Variants in PCYT1B observed in about 807,000 individuals in gnomAD.
The protein encoded by PCYT1B is choline-phosphate cytidylyltransferase B.
In PCYT1B, 10 loss-of-function variants were observed where a neutral mutation model predicts 26.4. That is an observed-to-expected ratio of 0.38 (90% CI 0.23 to 0.64). PCYT1B has a LOEUF of 0.64. Ranked by LOEUF, PCYT1B falls within the 30% of genes least tolerant of loss-of-function variation. The probability of loss-of-function intolerance (pLI) is 0.56; values close to 1 mark genes in which losing one functional copy is unlikely to be tolerated. For missense variants in PCYT1B, 161 were observed against 292.7 expected, an observed-to-expected ratio of 0.55 and a Z score of 3.28; for synonymous variants, 131 against 108.4, an observed-to-expected ratio of 1.21 and a Z score of -1.29.
At chrX:24,663,938 A>G (rs1927077116) in intron 1 of PCYT1B, among the ~76,000 whole-genome samples, 1 of 110,607 alleles carries the variant, frequency 9.0e-6, no homozygotes, top group Non-Finnish European at 1.9e-5. Flanking sequence ...ACAAAACAAA[A>G]CAAAACAAAA....
At chrX:24,570,591 G>A (rs1389145544) in intron 7 of PCYT1B, among the ~76,000 whole-genome samples, 2 of 110,988 alleles carry the variant, frequency 1.8e-5, no homozygotes, top group African/African-American at 6.6e-5. Flanking sequence ...ATGAAAGACC[G>A]AGTCAGAACC....
chrX:24,562,014 A>C lies in PCYT1B; in HGVS notation c.*279T>G. 1 of 1,062,679 alleles carries C rather than the reference A, an allele frequency of 9.4e-7. No homozygotes were observed. The highest frequency in any genetic ancestry group is 1.3e-6 in the Non-Finnish European group (1 of 763,325). The allele number at this position is 1,062,679 out of a possible 1,213,427, so 87.6% of individuals were successfully genotyped here. On this transcript the variant is annotated 3_prime_UTR_variant, in exon 8 of 8. Transcript: ENST00000379144. The stretch of plus-strand genomic sequence containing the variant: ...TCACCCCATCAGTGCAAGTCTCTCT[A>C]GGGAACTCTGCATCCTTCCTTAGCA...
At chrX:24,651,475 ATATAT>A (rs1569257974), upstream of PCYT1B, among the ~76,000 whole-genome samples, 194 of 30,611 alleles carry the variant, frequency 6.3e-3, 2 homozygotes, top group African/African-American at 0.022. Flanking sequence ...AAAAAAAAAT[ATATAT>A]ATATATATAT....
intron 7 of PCYT1B, among the ~76,000 whole-genome samples, chrX:24,572,859 T>G (rs1167226606): frequency 9.3e-6 from 1 of 107,734 alleles, no homozygotes; most frequent in Non-Finnish European, 1.9e-5. Context: ...CAATTCCAGC[T>G]ACTATTTCAC....
intron 2 of PCYT1B, among the ~76,000 whole-genome samples, chrX:24,616,819 C>G (rs934874722): frequency 1.5e-4 from 17 of 111,962 alleles, no homozygotes; most frequent in Non-Finnish European, 3.0e-4. Context: ...TTTTCAAAAG[C>G]AGCTCACACG....
intron 3 of PCYT1B, among the ~76,000 whole-genome samples, chrX:24,590,595 C>G (rs1370857106): frequency 9.0e-6 from 1 of 110,725 alleles, no homozygotes; most frequent in Non-Finnish European, 1.9e-5. Flanking sequence ...TTTGAACAAT[C>G]AGTTCCAATT....
At chrX:24,666,303 A>C (rs745495412) in intron 1 of PCYT1B, among the ~76,000 whole-genome samples, 21 of 111,415 alleles carry the variant, frequency 1.9e-4, no homozygotes, top group Admixed American at 1.5e-3. Context: ...TCATGCATCC[A>C]AGATAAATGT....
upstream of PCYT1B, among the ~76,000 whole-genome samples, chrX:24,648,449 A>ATTTTTTTTTTTTT (rs57744798): frequency 8.6e-4 from 34 of 39,723 alleles, 8 homozygotes; most frequent in African/African-American, 4.7e-3. Context: ...ATTTGAAGGA[A>ATTTTTTTTTTTTT]TTTTTTTTTT....
chrX:24,615,180 C>G (rs983161396), intron 2 of PCYT1B, among the ~76,000 whole-genome samples: 2 of 111,917 alleles, frequency 1.8e-5, no homozygotes, highest in African/African-American at 6.5e-5. Context: ...AGGTACTCAT[C>G]AACATCACGG....
At chrX:24,587,464 C>T (rs1351216469) in intron 4 of PCYT1B, 145 bp from the exon 5 acceptor site, 6 of 439,932 alleles carry the variant, frequency 1.4e-5, no homozygotes, top group South Asian at 3.8e-5. Flanking sequence ...GAATCCTTGG[C>T]TGAAATGTAT....
At chrX:24,608,277 G>A (rs752957346) in intron 2 of PCYT1B, among the ~76,000 whole-genome samples, 1 of 111,286 alleles carries the variant, frequency 9.0e-6, no homozygotes, top group African/African-American at 3.3e-5. Context: ...GTTCTCAAAG[G>A]CAACGATGTA....
At chrX:24,648,241 G>A (rs1460359015), upstream of PCYT1B, among the ~76,000 whole-genome samples, 2 of 110,729 alleles carry the variant, frequency 1.8e-5, no homozygotes, top group African/African-American at 3.3e-5. Flanking sequence ...ACTTACCAAG[G>A]TATTCATTGT....
chrX:24,562,220 C>A lies in PCYT1B; in HGVS notation c.*73G>T, dbSNP rs1169985104. On this transcript the variant is annotated 3_prime_UTR_variant, in exon 8 of 8. Coordinates refer to ENST00000379144, the MANE Select transcript of PCYT1B (RefSeq NM_004845.5). ...TCCTGTGACTATTACCCTTCAAACA[C>A]CACCCAGGCAACCCTGTGACTCTCG... is the stretch of plus-strand genomic sequence containing the variant. 1 of 1,181,185 alleles carries A rather than the reference C, an allele frequency of 8.5e-7. No individual in the cohort carries two copies.
chrX:24,632,339 A>G (rs888397882), intron 1 of PCYT1B: 1 of 142,634 alleles, frequency 7.0e-6, no homozygotes, highest in Admixed American at 6.5e-5. Context: ...AATCACAAGC[A>G]TAGCCACAAG....
intron 3 of PCYT1B, among the ~76,000 whole-genome samples, chrX:24,593,634 C>A (rs1057241581): frequency 6.4e-5 from 7 of 109,042 alleles, no homozygotes; most frequent in African/African-American, 2.3e-4. Context: ...TCAAGCAATT[C>A]TCCTGCCTCA....
intron 1 of PCYT1B, among the ~76,000 whole-genome samples, chrX:24,624,846 ACTATACTATTC>A (rs1925835082): frequency 8.9e-6 from 1 of 112,238 alleles, no homozygotes; most frequent in South Asian, 3.7e-4. Context: ...GGCCAAGGAT[ACTATACTATTC>A]CTTGAGGTTT....
At chrX:24,591,921 C>A (rs1924578621) in intron 3 of PCYT1B, among the ~76,000 whole-genome samples, 1 of 111,419 alleles carries the variant, frequency 9.0e-6, no homozygotes, top group Non-Finnish European at 1.9e-5. Flanking sequence ...ATTCAAAATT[C>A]TGTCTTATAG....
chrX:24,670,097 AAAGAAAGAAAGAAAGAAAGGAAGG>A (rs1359767617), intron 1 of PCYT1B, among the ~76,000 whole-genome samples: 65 of 68,874 alleles, frequency 9.4e-4, no homozygotes, highest in African/African-American at 3.0e-3. Flanking sequence ...AGAAAGAAAG[AAAGAAAGAAAGAAAGAAAGGAAGG>A]AAGGAAGGAA....
intron 7 of PCYT1B, among the ~76,000 whole-genome samples, chrX:24,567,871 C>T (rs959890115): frequency 9.0e-6 from 1 of 110,996 alleles, no homozygotes; most frequent in Non-Finnish European, 1.9e-5. Context: ...ATCACTTGAA[C>T]CCAGGAGGCG....
Sources: allele counts gnomAD v4.1 joint callset (sites outside exome capture counted in the v4.1 genomes callset), GRCh38; gene constraint gnomAD v4.1.1; transcripts MANE v1.5; gene names NCBI Gene and HGNC (gene_info 2026-07-23, HGNC 2026-07-21).